Variants in BRWD1 observed in about 807,000 individuals in gnomAD.
BRWD1 encodes bromodomain and WD repeat-containing protein 1.
In BRWD1, 82 loss-of-function variants were observed where a neutral mutation model predicts 251.2. That is an observed-to-expected ratio of 0.33 (90% CI 0.27 to 0.39). The LOEUF (loss-of-function observed/expected upper bound fraction) is 0.39. BRWD1 is among the 10% of genes least tolerant of loss of function. The pLI is 1.00. For missense variants in BRWD1, 2,233 were observed against 2,711.6 expected (o/e 0.82, Z 3.92); for synonymous variants, 918 against 902.8 (o/e 1.02, Z -0.30).
At chr21:39,241,516 GATTTAAAAATCTAAATAA>G (rs1398735209) in intron 21 of BRWD1, among the ~76,000 whole-genome samples, 4 of 44,886 alleles carry the variant, frequency 8.9e-5, no homozygotes, top group Non-Finnish European at 1.9e-4. Context: ...AAAAAAAAAA[GATTTAAAAATCTAAATAA>G]ATAACAGGAG....
chr21:39,192,188 C>T lies in BRWD1; in HGVS notation c.*4071G>A. ...ATCCCCATGTATCCTTGGGCAACAT[C>T]TCTGTAATTTAACAGCCTTTAAAAC... On this transcript the variant is annotated 3_prime_UTR_variant, in exon 41 of 41. Coordinates refer to ENST00000342449, the MANE Select transcript of BRWD1 (RefSeq NM_033656.4). 1 of 985,286 alleles carries T rather than the reference C, an allele frequency of 1.0e-6. No homozygotes were observed. The highest frequency in any genetic ancestry group is 1.2e-6 in the Non-Finnish European group (1 of 829,844). 61.0% of individuals were successfully genotyped at this position (985,286 alleles called of 1,614,324 possible).
Position 39,192,948 on chromosome 21 carries a change from A to G in BRWD1, c.*3311T>C. 1 of 984,506 alleles carries G rather than the reference A, an allele frequency of 1.0e-6. No homozygotes were observed. Among genetic ancestry groups the G allele is most frequent in the South Asian group, 4.7e-5 (1 of 21,262 alleles). 61.0% of individuals were successfully genotyped at this position (984,506 alleles called of 1,614,324 possible). On this transcript the variant is annotated 3_prime_UTR_variant, in exon 41 of 41. Coordinates refer to ENST00000342449, the MANE Select transcript of BRWD1 (RefSeq NM_033656.4). ...TCTTCTACAAAAAAAAAAGTCTAGAAGACAGAGGGAATGTAGTGTGCACCC... is the reference window on the plus strand; with the variant it reads ...TCTTCTACAAAAAAAAAAGTCTAGAGGACAGAGGGAATGTAGTGTGCACCC...
intron 4 of BRWD1, among the ~76,000 whole-genome samples, chr21:39,298,819 G>A (rs949471896): frequency 1.3e-5 from 2 of 151,974 alleles, no homozygotes; most frequent in African/African-American, 2.4e-5. Flanking sequence ...TGACAATTTT[G>A]TTCTAAAATT....
At chr21:39,257,890 C>T (rs1383034048) in intron 18 of BRWD1, among the ~76,000 whole-genome samples, 1 of 152,056 alleles carries the variant, frequency 6.6e-6, no homozygotes, top group Non-Finnish European at 1.5e-5. Flanking sequence ...TCATTGTATC[C>T]TTCTTCCAAC....
At chr21:39,217,393 G>T in intron 31 of BRWD1, 1 of 196,142 alleles carries the variant, frequency 5.1e-6, no homozygotes, top group Non-Finnish European at 1.0e-5. Context: ...CAATGCGCCT[G>T]GCCTCCCACA....
chr21:39,217,549 G>A, intron 31 of BRWD1: 1 of 160,974 alleles, frequency 6.2e-6, no homozygotes. Flanking sequence ...ATGAAAGACT[G>A]CCAACAGCTG....
At chr21:39,216,696 G>T in intron 31 of BRWD1, 1 of 419,384 alleles carries the variant, frequency 2.4e-6, no homozygotes, top group South Asian at 1.9e-5. Flanking sequence ...TAAACTTAGA[G>T]AAACCTGCTT....
intron 5 of BRWD1, 79 bp from the exon 6 acceptor site, chr21:39,296,442 T>C: frequency 2.8e-5 from 39 of 1,379,382 alleles, no homozygotes; most frequent in Non-Finnish European, 3.7e-5. Flanking sequence ...TTACGTATAT[T>C]GTAATAAACT....
chr21:39,214,412 T>C (rs1256301980), intron 32 of BRWD1, among the ~76,000 whole-genome samples: 4 of 152,064 alleles, frequency 2.6e-5, no homozygotes, highest in Admixed American at 2.0e-4. Context: ...CAATTAAATA[T>C]ACTCTATAAA....
At chr21:39,226,388 A>G (rs1376382079) in intron 27 of BRWD1, among the ~76,000 whole-genome samples, 1 of 152,206 alleles carries the variant, frequency 6.6e-6, no homozygotes, top group African/African-American at 2.4e-5. Context: ...AAAGTGTAGT[A>G]TAACAGGTCT....
At position 39,195,982 on chromosome 21, in the gene BRWD1, T is replaced by TTA; in HGVS notation, c.*275_*276dup. On this transcript the variant is annotated 3_prime_UTR_variant, in exon 41 of 41. Transcript: ENST00000342449. ...TTTTGATAACCAGGATGTCTAGTGT[T>TTA]TAACATATTTCAAACTCTTGCTATA... is the stretch of plus-strand genomic sequence containing the variant. 1 of 1,107,276 alleles carries TTA rather than the reference T, an allele frequency of 9.0e-7. No individual in the cohort carries two copies. The highest frequency in any genetic ancestry group is 1.1e-6 in the Non-Finnish European group (1 of 909,232). The allele number at this position is 1,107,276 out of a possible 1,614,324, so 68.6% of individuals were successfully genotyped here. A position where few individuals can be genotyped will look rare whatever the true frequency, so the allele number is the denominator to read the frequency against.
chr21:39,293,023 A>AT (rs1482854102), intron 8 of BRWD1, among the ~76,000 whole-genome samples: 1 of 152,206 alleles, frequency 6.6e-6, no homozygotes, highest in Non-Finnish European at 1.5e-5. Flanking sequence ...ACAGAATGAA[A>AT]TATTTGCAGA....
chr21:39,247,624 G>T (rs1322793575), intron 21 of BRWD1, 77 bp downstream of exon 21: 9 of 1,381,580 alleles, frequency 6.5e-6, no homozygotes, highest in Non-Finnish European at 8.8e-6. Context: ...TAAATTTGGG[G>T]TATATTCATT....
chr21:39,243,651 G>A (rs1320891690), intron 21 of BRWD1, among the ~76,000 whole-genome samples: 3 of 151,834 alleles, frequency 2.0e-5, no homozygotes, highest in African/African-American at 4.8e-5. Context: ...GGCTTGCCCC[G>A]TATTGCCCAG....
chr21:39,278,906 T>C (rs1183313267), intron 9 of BRWD1, 93 bp from the exon 10 acceptor site: 2 of 1,000,836 alleles, frequency 2.0e-6, no homozygotes. Flanking sequence ...ATTTAAATAT[T>C]ATAATTTTTT....
intron 4 of BRWD1, among the ~76,000 whole-genome samples, chr21:39,311,919 T>TA (rs940129204): frequency 6.6e-5 from 10 of 152,362 alleles, no homozygotes; most frequent in African/African-American, 2.4e-4. Flanking sequence ...ACTCAAGTGT[T>TA]ACAGGTCTTC....
chr21:39,248,306 G>C (rs1279773632), intron 20 of BRWD1, among the ~76,000 whole-genome samples: 1 of 151,892 alleles, frequency 6.6e-6, no homozygotes, highest in East Asian at 1.9e-4. Flanking sequence ...ACACTAGTCA[G>C]AATGGCTATT....
In BRWD1 at chr21:39,266,063, T is replaced by C. The variant is rs549906172; in HGVS notation, c.1531-1044A>G. ...CCTTTAACTTTCCAGTAACTAAATGTTACGCGTTCGGTGTTGGAGAAATGA... is the reference window on the plus strand; with the variant it reads ...CCTTTAACTTTCCAGTAACTAAATGCTACGCGTTCGGTGTTGGAGAAATGA... On this transcript the variant is annotated intron_variant, in intron 15 of 40. Transcript: ENST00000342449. Among the ~76,000 whole-genome samples, 77 of 152,266 alleles carry C rather than the reference T, an allele frequency of 5.1e-4. 3 individuals are homozygous for C. The Middle Eastern group carries it at 0.051, about 101-fold the overall frequency.
chr21:39,297,132 C>G, intron 5 of BRWD1: 1 of 985,400 alleles, frequency 1.0e-6, no homozygotes, highest in Non-Finnish European at 1.2e-6. Context: ...AAAAAAAAGT[C>G]TGCCCTCCTC....
Sources: gnomAD v4.1 joint callset for allele counts (sites outside exome capture counted in the v4.1 genomes callset) on GRCh38, gnomAD v4.1.1 for gene constraint, MANE v1.5 for transcripts, NCBI Gene and HGNC (gene_info 2026-07-23, HGNC 2026-07-21) for gene names.